The following RIMS1 variants were observed in gnomAD, a reference collection of about 807,000 sequenced individuals.
RIMS1 encodes the protein regulating synaptic membrane exocytosis 1, also known as regulating synaptic membrane exocytosis protein 1.
A neutral mutation model predicts 214.1 loss-of-function variants in RIMS1; 83 were observed. The ratio of observed to expected loss-of-function variants is 0.39; its 90% CI spans 0.32 to 0.47. The LOEUF is 0.47. RIMS1 is among the 20% of genes least tolerant of loss of function. RIMS1 has a pLI of 0.99. For synonymous variants in RIMS1, 793 were observed against 786.8 expected, an observed-to-expected ratio of 1.01 and a Z score of -0.13; for missense variants, 2,050 against 2,161.8, an observed-to-expected ratio of 0.95 and a Z score of 1.03.
In RIMS1 at chr6:72,248,049, G is replaced by A; in HGVS notation, c.2163G>A (p.Arg721=). The change falls in exon 12 of 34, where the codon AGG becomes AGA. Residue 721 remains arginine, a synonymous_variant. Coordinates refer to ENST00000521978, the MANE Select transcript of RIMS1 (RefSeq NM_014989.7). ...CCTTTGAATCTCAGAAGATGGAAAGGCCTTCCATTTCTGTTATTTCTCCAA... is the reference window on the plus strand; with the variant it reads ...CCTTTGAATCTCAGAAGATGGAAAGACCTTCCATTTCTGTTATTTCTCCAA... ...SSSFESQKME[R]PSISVISPTS... 1.9e-6 allele frequency: 3 copies of A among 1,612,910 alleles called. No homozygotes were observed. The highest frequency in any genetic ancestry group is 2.5e-6 in the Non-Finnish European group (3 of 1,179,242).
chr6:72,057,200 T>A (rs1176288376), intron 2 of RIMS1, among the ~76,000 whole-genome samples: 1 of 152,198 alleles, frequency 6.6e-6, no homozygotes, highest in African/African-American at 2.4e-5. Flanking sequence ...CATATTCAGT[T>A]GTGGCTCTCC....
chr6:72,213,326 T>G, intron 6 of RIMS1: 1 of 1,070,330 alleles, frequency 9.3e-7, no homozygotes. Context: ...AATATTTCTA[T>G]TCTCTGTGTG....
At chr6:72,204,434 G>A (rs2052565144) in intron 6 of RIMS1, among the ~76,000 whole-genome samples, 2 of 152,044 alleles carry the variant, frequency 1.3e-5, no homozygotes, top group African/African-American at 4.8e-5. Context: ...ATCACCTCTA[G>A]AACTCTGTTC....
chr6:72,011,579 AT>A (rs1810630904), intron 2 of RIMS1, among the ~76,000 whole-genome samples: 1 of 152,218 alleles, frequency 6.6e-6, no homozygotes, highest in Non-Finnish European at 1.5e-5. Flanking sequence ...CAATCTACTC[AT>A]CTGACAAAGG....
At chr6:72,332,330 T>C (rs2096690186) in intron 28 of RIMS1, among the ~76,000 whole-genome samples, 1 of 151,774 alleles carries the variant, frequency 6.6e-6, no homozygotes, top group Admixed American at 6.6e-5. Flanking sequence ...CAGGTTTTTA[T>C]TAGACAGAAA....
At chr6:72,208,966 G>C (rs1024598433) in intron 6 of RIMS1, among the ~76,000 whole-genome samples, 5 of 151,426 alleles carry the variant, frequency 3.3e-5, no homozygotes, top group Admixed American at 1.3e-4. Flanking sequence ...AAGCTTTAGG[G>C]CTCTGTAGCT....
At chr6:71,931,433 TAAC>T (rs1049041874) in intron 1 of RIMS1, among the ~76,000 whole-genome samples, 10 of 151,988 alleles carry the variant, frequency 6.6e-5, no homozygotes, top group Non-Finnish European at 1.0e-4. Context: ...ATAATAATAA[TAAC>T]AACAAATTCA....
At chr6:72,261,081 C>A (rs2077764966) in intron 19 of RIMS1, 2 of 1,203,864 alleles carry the variant, frequency 1.7e-6, no homozygotes, top group Non-Finnish European at 2.1e-6. Flanking sequence ...ACTGTGAGTG[C>A]CCCCAACTTT....
intron 1 of RIMS1, among the ~76,000 whole-genome samples, chr6:71,900,387 A>G (rs1162008782): frequency 1.3e-5 from 2 of 152,112 alleles, no homozygotes; most frequent in Non-Finnish European, 2.9e-5. Context: ...TTTTTTCTTT[A>G]TTTTAAGAGC....
chr6:71,922,199 G>T (rs1248033370), intron 1 of RIMS1, among the ~76,000 whole-genome samples: 1 of 152,032 alleles, frequency 6.6e-6, no homozygotes, highest in Non-Finnish European at 1.5e-5. Flanking sequence ...TTTGTAAAGT[G>T]TACAATTCAA....
intron 1 of RIMS1, among the ~76,000 whole-genome samples, chr6:71,950,944 GAA>G (rs1190886043): frequency 6.6e-6 from 1 of 152,118 alleles, no homozygotes; most frequent in Non-Finnish European, 1.5e-5. Context: ...CCTTGACAAA[GAA>G]AGCCAGCATT....
intron 27 of RIMS1, among the ~76,000 whole-genome samples, chr6:72,313,133 G>A (rs1042893322): frequency 2.0e-5 from 3 of 152,016 alleles, no homozygotes; most frequent in Non-Finnish European, 4.4e-5. Flanking sequence ...TTTGACTAGA[G>A]TAGAAGGTGA....
chr6:72,242,110 A>G (rs1247614017), intron 9 of RIMS1, among the ~76,000 whole-genome samples: 2 of 152,110 alleles, frequency 1.3e-5, no homozygotes, highest in African/African-American at 4.8e-5. Context: ...TCTGGGGGAA[A>G]AAAAGAAAAA....
chr6:72,179,624 A>T lies in RIMS1; in HGVS notation c.521A>T (p.Lys174Ile). 6.2e-7 allele frequency: 1 copy of T among 1,613,996 alleles called. No individual in the cohort carries two copies. The highest frequency in any genetic ancestry group is 8.5e-7 in the Non-Finnish European group (1 of 1,179,876). ...CGAAAGCAACAAGAAATCTTAACCA[A>T]ATCTGGGGCATGGTTCTTTGGAAGT... is the stretch of plus-strand genomic sequence containing the variant. ...LCRKQQEILT[K>I]SGAWFFGSGP... The change falls in exon 5 of 34, where the codon AAA becomes ATA. Residue 174 changes from lysine (K) to isoleucine (I), a missense_variant. Around this residue, in one of 6 missense-constraint regions of RIMS1, gnomAD observed 882 missense variants for 828.9 expected, o/e 1.06. Transcript: ENST00000521978.
intron 19 of RIMS1, chr6:72,262,580 T>C: frequency 2.1e-6 from 2 of 973,880 alleles, no homozygotes; most frequent in Non-Finnish European, 2.4e-6. Flanking sequence ...ACAACATGAG[T>C]TCAAAAATAC....
intron 6 of RIMS1, among the ~76,000 whole-genome samples, chr6:72,221,560 A>G (rs537545452): frequency 2.6e-5 from 4 of 152,032 alleles, no homozygotes; most frequent in Non-Finnish European, 5.9e-5. Flanking sequence ...TTACAAATAT[A>G]TTTCAAACGT....
chr6:72,307,289 G>C lies in RIMS1; in HGVS notation c.3882G>C (p.Gln1294His). Reference sequence around the variant, plus strand: ...TAGTAGTGGAGGAGCGAACAAGACAGATGAAAATGAAAGTGCATCGATTTA... The same window carrying C: ...TAGTAGTGGAGGAGCGAACAAGACACATGAAAATGAAAGTGCATCGATTTA... ...ASLVVEERTR[Q>H]MKMKVHRFKQ... is the part of the protein sequence containing the mutation. The change falls in exon 27 of 34, where the codon CAG becomes CAC. Residue 1294 changes from glutamine to histidine, a missense_variant. Gln to His is a conservative substitution (Grantham distance 24, BLOSUM62 0). Transcript: ENST00000521978. The C allele has an allele frequency of 6.2e-7, 1 of 1,604,270 alleles. No homozygotes were observed. Among genetic ancestry groups the C allele is most frequent in the Non-Finnish European group, 8.5e-7 (1 of 1,175,324 alleles).
chr6:71,975,617 A>C (rs1482572), intron 2 of RIMS1, among the ~76,000 whole-genome samples: 80,659 of 151,842 alleles, frequency 0.53, 21,884 homozygotes, highest in East Asian at 0.82. Flanking sequence ...CACCTTTTTA[A>C]AGAGTACAAT....
chr6:72,053,703 G>T (rs1825353274), intron 2 of RIMS1, among the ~76,000 whole-genome samples: 1 of 152,078 alleles, frequency 6.6e-6, no homozygotes, highest in Admixed American at 6.6e-5. Context: ...AGAACACAAA[G>T]AAGTCTAAGG....
Sources: allele counts gnomAD v4.1 joint callset (sites outside exome capture counted in the v4.1 genomes callset), GRCh38; gene constraint gnomAD v4.1.1; regional missense constraint gnomAD v4.1.1; transcripts MANE v1.5; gene names NCBI Gene and HGNC (gene_info 2026-07-23, HGNC 2026-07-21).